NOP9: variants seen among roughly 807,000 people sequenced by gnomAD.
NOP9 encodes the protein NOP9 nucleolar protein, also known as nucleolar protein 9.
NOP9 carries 50 observed loss-of-function variants against 63.0 expected under a neutral mutation model. The ratio of observed to expected loss-of-function variants is 0.79; its 90% CI spans 0.63 to 1.00. The LOEUF (loss-of-function observed/expected upper bound fraction) is 1.00. Ranked by LOEUF, NOP9 falls within the 50% of genes least tolerant of loss-of-function variation. The pLI is 0.00. For missense variants in NOP9, 758 were observed against 803.0 expected (o/e 0.94, Z 0.68); for synonymous variants, 343 against 332.8 (o/e 1.03, Z -0.33).
Position 24,301,758 on chromosome 14 carries a change from C to T in NOP9, c.808+36C>T, listed in dbSNP as rs1429886147. 10 of 1,606,510 alleles carry T rather than the reference C, an allele frequency of 6.2e-6. No homozygotes were observed. In the Admixed American group the frequency reaches 8.3e-5, roughly 13 times the overall value. ...AAGTAGGAGGATGGTCTCGTATCTA[C>T]TTGTCTGGAGGTCATCTTACCACCA... is the stretch of plus-strand genomic sequence containing the variant. On this transcript the variant is annotated intron_variant, in intron 3 of 9. Coordinates refer to ENST00000267425, the MANE Select transcript of NOP9 (RefSeq NM_174913.3).
the NOP9 span, chr14:24,290,889 CCACTTGGG>C: frequency 6.2e-7 from 1 of 1,613,866 alleles, no homozygotes; most frequent in African/African-American, 1.3e-5. Flanking sequence ...GGGCAATAAT[CCACTTGGG>C]CACACGGAGG....
chr14:24,301,817 T>G lies in NOP9; in HGVS notation c.808+95T>G, dbSNP rs1487908640. The stretch of plus-strand genomic sequence containing the variant: ...CCTTACCTCAGGTTATTCCTCTTCT[T>G]TTCAAACCTGGTCTGGTTTGACGTT... On this transcript the variant is annotated intron_variant, in intron 3 of 9. Transcript: ENST00000267425. 4 of 1,503,346 alleles carry G rather than the reference T, an allele frequency of 2.7e-6. No individual in the cohort carries two copies. The African/African-American group carries it at 5.5e-5, about 21-fold the overall frequency. The allele number at this position is 1,503,346 out of a possible 1,614,324, so 93.1% of individuals were successfully genotyped here. A position where few individuals can be genotyped will look rare whatever the true frequency, so the allele number is the denominator to read the frequency against.
the NOP9 span, chr14:24,271,257 A>C: frequency 3.6e-6 from 4 of 1,111,128 alleles, no homozygotes; most frequent in East Asian, 1.0e-4. Flanking sequence ...GCCTGGGCAG[A>C]GACCCCCAGA....
In NOP9 at chr14:24,306,155, C is replaced by T. The variant is rs73591412; in HGVS notation, c.*1060C>T. 1,043 of 1,609,666 alleles carry T rather than the reference C, an allele frequency of 6.5e-4. 7 individuals are homozygous for T. The African/African-American group carries it at 0.012, about 19-fold the overall frequency. On this transcript the variant is annotated 3_prime_UTR_variant, in exon 10 of 10. Coordinates refer to ENST00000267425, the MANE Select transcript of NOP9 (RefSeq NM_174913.3). ...ACTCCACTCTGTAGGACACCCTTGT[C>T]AGTGCAGTAGATCCTCATACCAGAC...
At chr14:24,277,336 T>A in the NOP9 span, among the ~76,000 whole-genome samples, 1 of 151,192 alleles carries the variant, frequency 6.6e-6, no homozygotes, top group Non-Finnish European at 1.5e-5. Flanking sequence ...GGCTGAGAGG[T>A]CAAGGCAGAA....
chr14:24,306,846 C>T lies in NOP9; in HGVS notation c.*1751C>T, dbSNP rs2041526530. The T allele has an allele frequency of 1.0e-5, 4 of 394,952 alleles. No homozygotes were observed. Among genetic ancestry groups the T allele is most frequent in the African/African-American group, 4.0e-5 (2 of 49,420 alleles). 24.5% of individuals were successfully genotyped at this position (394,952 alleles called of 1,614,324 possible). A position where few individuals can be genotyped will look rare whatever the true frequency, so the allele number is the denominator to read the frequency against. Reference sequence around the variant, plus strand: ...CCCTTCTGTCTTATCTACAATGCTGCACCTCACTTCCCACACCCTCAAGAG... The same window carrying T: ...CCCTTCTGTCTTATCTACAATGCTGTACCTCACTTCCCACACCCTCAAGAG... On this transcript the variant is annotated 3_prime_UTR_variant, in exon 10 of 10. Coordinates refer to ENST00000267425, the MANE Select transcript of NOP9 (RefSeq NM_174913.3).
chr14:24,291,652 G>T, the NOP9 span: 1 of 1,610,558 alleles, frequency 6.2e-7, no homozygotes, highest in Admixed American at 1.7e-5. Context: ...GAGAAGTGAA[G>T]GGTTAATTTC....
chr14:24,292,801 G>A, the NOP9 span: 3 of 1,607,362 alleles, frequency 1.9e-6, no homozygotes, highest in South Asian at 1.1e-5. Context: ...GGTGGGGCAA[G>A]GGAAGAAGGA....
chr14:24,282,264 CAG>C, the NOP9 span, among the ~76,000 whole-genome samples: 1 of 152,142 alleles, frequency 6.6e-6, no homozygotes, highest in Admixed American at 6.5e-5. Context: ...CACTTTTATG[CAG>C]AGTTATACAG....
rs772882033 is a variant in NOP9 at position 24,300,809 on chromosome 14, A to G, written c.649A>G (p.Thr217Ala). Residue 217 changes from threonine to alanine, a missense_variant, in exon 2 of 10, where the codon ACT (threonine) becomes GCT (alanine). Thr to Ala is a moderately conservative substitution (Grantham distance 58). Coordinates refer to ENST00000267425, the MANE Select transcript of NOP9 (RefSeq NM_174913.3). ...AACTCTGCTTCAGGTGTTAGGAGGGACTATTCTGGAGTCTGAGAGAGCCAG... is the reference window on the plus strand; with the variant it reads ...AACTCTGCTTCAGGTGTTAGGAGGGGCTATTCTGGAGTCTGAGAGAGCCAG... Reference protein sequence around the residue: ...VRTLLQVLGGTILESERARPR... With the variant: ...VRTLLQVLGGAILESERARPR... 3.7e-6 allele frequency: 6 copies of G among 1,614,070 alleles called. No individual in the cohort carries two copies. The Admixed American group carries it at 8.3e-5, about 22-fold the overall frequency.
In NOP9 at chr14:24,300,410, C is replaced by T; in HGVS notation, c.250C>T (p.Leu84=). The T allele has an allele frequency of 6.2e-7, 1 of 1,610,322 alleles. No homozygotes were observed. Among genetic ancestry groups the T allele is most frequent in the Non-Finnish European group, 8.5e-7 (1 of 1,177,862 alleles). Residue 84 remains leucine, a splice_region_variant and synonymous_variant, in exon 2 of 10, where the codon CTG becomes TTG. Transcript: ENST00000267425. Reference sequence around the variant, plus strand: ...GTGTGTCTTTCTTCCCTTTTCAGATCTGATGGTGCACAATATAATGAAGGA... The same window carrying T: ...GTGTGTCTTTCTTCCCTTTTCAGATTTGATGGTGCACAATATAATGAAGGA... ...EAPETGEERD[L]MVHNIMKEVE... is the part of the protein sequence containing the mutation.
At chr14:24,296,817 C>T (rs200475438), upstream of NOP9, 42 of 1,614,112 alleles carry the variant, frequency 2.6e-5, no homozygotes, top group Admixed American at 2.0e-4. Flanking sequence ...AAACAGGCTT[C>T]GCACTTCACT....
Position 24,300,075 on chromosome 14 carries a change from C to T in NOP9, c.121C>T (p.Pro41Ser). ...PLPGRKRQPW[P>S]PPDGRSEPAP... is the part of the protein sequence containing the mutation. Reference sequence around the variant, plus strand: ...ACCAGGCCGTAAGCGGCAACCCTGGCCGCCTCCGGATGGGCGCTCGGAGCC... The same window carrying T: ...ACCAGGCCGTAAGCGGCAACCCTGGTCGCCTCCGGATGGGCGCTCGGAGCC... The change falls in exon 1 of 10, where the codon CCG becomes TCG. Residue 41 changes from proline to serine, a missense_variant. By Grantham distance (74) the Pro-to-Ser change is moderately conservative. Coordinates refer to ENST00000267425, the MANE Select transcript of NOP9 (RefSeq NM_174913.3). The T allele has an allele frequency of 6.2e-7, 1 of 1,612,822 alleles. No homozygotes were observed. The highest frequency in any genetic ancestry group is 8.5e-7 in the Non-Finnish European group (1 of 1,179,788).
chr14:24,306,348 A>C lies in NOP9; in HGVS notation c.*1253A>C, dbSNP rs779941989. 1.2e-6 allele frequency: 2 copies of C among 1,613,978 alleles called. No individual in the cohort carries two copies. Among genetic ancestry groups the C allele is most frequent in the Non-Finnish European group, 1.7e-6 (2 of 1,179,864 alleles). On this transcript the variant is annotated 3_prime_UTR_variant, in exon 10 of 10. Coordinates refer to ENST00000267425, the MANE Select transcript of NOP9 (RefSeq NM_174913.3). ...GAAAGCTCTAAAGGACAGGCATTGG[A>C]AGCAGCCCCAGTATAGGCCTCTTAC...
chr14:24,293,006 A>C, the NOP9 span: 1 of 537,346 alleles, frequency 1.9e-6, no homozygotes, highest in Non-Finnish European at 3.2e-6. Context: ...CTTTGGAAGA[A>C]GAAATGGAAC....
rs370463868 is a variant in NOP9, at chr14:24,304,430, C to T, written c.1648-63C>T. ...AACTCTTCAGAAAATTCACTCTCCA[C>T]AAGCCTCCAAAATACTTTTGTGGAT... On this transcript the variant is annotated intron_variant, in intron 8 of 9. Coordinates refer to ENST00000267425, the MANE Select transcript of NOP9 (RefSeq NM_174913.3). The T allele has an allele frequency of 1.3e-5, 19 of 1,457,622 alleles. No homozygotes were observed. The East Asian group carries it at 2.9e-4, about 23-fold the overall frequency. 90.3% of individuals were successfully genotyped at this position (1,457,622 alleles called of 1,614,324 possible).
At position 24,306,464 on chromosome 14, in the gene NOP9, A is replaced by G. The variant is rs1209388146; in HGVS notation, c.*1369A>G. The G allele has an allele frequency of 6.2e-7, 1 of 1,614,136 alleles. No individual in the cohort carries two copies. The highest frequency in any genetic ancestry group is 1.3e-5 in the African/African-American group (1 of 74,950). On this transcript the variant is annotated 3_prime_UTR_variant, in exon 10 of 10. Coordinates refer to ENST00000267425, the MANE Select transcript of NOP9 (RefSeq NM_174913.3). The stretch of plus-strand genomic sequence containing the variant: ...GGAAGAAGTCCTCACTGTCCACTGC[A>G]GTTCCATCCTCCTCTAGCACCAGGG...
the NOP9 span, among the ~76,000 whole-genome samples, chr14:24,289,143 A>AT: frequency 6.6e-6 from 1 of 151,530 alleles, no homozygotes; most frequent in Admixed American, 6.6e-5. Context: ...CGCCCAGCTA[A>AT]TTTTTTTTCT....
chr14:24,299,376 C>A (rs1353081815), upstream of NOP9: 2 of 367,338 alleles, frequency 5.4e-6, no homozygotes, highest in Non-Finnish European at 5.0e-6. Context: ...ACAACTACTA[C>A]AACCCTCTGA....
Sources: gnomAD v4.1 joint callset for allele counts (sites outside exome capture counted in the v4.1 genomes callset) on GRCh38, gnomAD v4.1.1 for gene constraint, MANE v1.5 for transcripts, NCBI Gene and HGNC (gene_info 2026-07-23, HGNC 2026-07-21) for gene names.